The following CAMKMT variants were observed in gnomAD, a reference collection of about 807,000 sequenced individuals.
The protein encoded by CAMKMT is calmodulin-lysine N-methyltransferase, also known as CaM KMT.
In CAMKMT, 53 loss-of-function variants were observed where a neutral mutation model predicts 48.0. The ratio of observed to expected loss-of-function variants is 1.10; its 90% CI spans 0.89 to 1.39. The LOEUF (loss-of-function observed/expected upper bound fraction) is 1.39. CAMKMT is among the 40% of genes most tolerant of loss of function. The probability of loss-of-function intolerance (pLI) is 0.00; values close to 1 mark genes in which losing one functional copy is unlikely to be tolerated. For synonymous variants in CAMKMT, 165 were observed against 152.3 expected (o/e 1.08, Z -0.61); for missense variants, 428 against 402.7 (o/e 1.06, Z -0.54).
rs553541107 is a variant in CAMKMT, at chr2:44,487,563, A to C, written c.376+97258A>C. Among the ~76,000 whole-genome samples the C allele has an allele frequency of 2.3e-4, 35 of 152,358 alleles. 1 individual carries two copies. In the South Asian group the frequency reaches 6.8e-3, roughly 30 times the overall value. Reference sequence around the variant, plus strand: ...GGACTGATGTCTGTATCATACTACAAATATAAACTGTTTAATTTAATGACA... The same window carrying C: ...GGACTGATGTCTGTATCATACTACACATATAAACTGTTTAATTTAATGACA... On this transcript the variant is annotated intron_variant, in intron 3 of 10. Transcript: ENST00000378494.
At chr2:44,568,225 A>T (rs6726493) in intron 3 of CAMKMT, among the ~76,000 whole-genome samples, 1 of 151,812 alleles carries the variant, frequency 6.6e-6, no homozygotes, top group African/African-American at 2.4e-5. Context: ...AAACAAGCTG[A>T]GCCTGAATTG....
chr2:44,753,799 T>C (rs950322777), intron 8 of CAMKMT, among the ~76,000 whole-genome samples: 3 of 152,344 alleles, frequency 2.0e-5, no homozygotes, highest in African/African-American at 7.2e-5. Flanking sequence ...ATTGTCCCTG[T>C]AACATTAACA....
chr2:44,468,973 C>T (rs940224768), intron 3 of CAMKMT, among the ~76,000 whole-genome samples: 11 of 151,974 alleles, frequency 7.2e-5, no homozygotes, highest in South Asian at 2.1e-4. Context: ...TGTTCTCACT[C>T]GTGTGGAAGC....
At chr2:44,693,731 G>A (rs906234216) in intron 3 of CAMKMT, among the ~76,000 whole-genome samples, 10 of 152,210 alleles carry the variant, frequency 6.6e-5, no homozygotes, top group African/African-American at 2.4e-4. Flanking sequence ...AGGAGACAGA[G>A]TACAAAGACT....
chr2:44,537,683 C>T (rs1401376639), intron 3 of CAMKMT, among the ~76,000 whole-genome samples: 1 of 152,120 alleles, frequency 6.6e-6, no homozygotes, highest in Non-Finnish European at 1.5e-5. Flanking sequence ...CCCACCTCAG[C>T]CTCCCAAGTA....
At chr2:44,617,182 TCTG>T (rs1451433780) in intron 3 of CAMKMT, among the ~76,000 whole-genome samples, 3 of 152,244 alleles carry the variant, frequency 2.0e-5, no homozygotes, top group Admixed American at 2.0e-4. Flanking sequence ...GGGAAATTCA[TCTG>T]CTATGTGGTG....
intron 3 of CAMKMT, among the ~76,000 whole-genome samples, chr2:44,662,044 G>A (rs1674706261): frequency 6.6e-6 from 1 of 152,202 alleles, no homozygotes; most frequent in Non-Finnish European, 1.5e-5. Flanking sequence ...TGGGACAGCT[G>A]TAATTATTGG....
In CAMKMT at chr2:44,653,324, G is replaced by A. The variant is rs62132336; in HGVS notation, c.377-50959G>A. 0.039 allele frequency among the ~76,000 whole-genome samples: 5,978 copies of A among 152,268 alleles called. 165 individuals carry two copies. Among genetic ancestry groups the A allele is most frequent in the Non-Finnish European group, 0.063 (4,301 of 68,012 alleles). On this transcript the variant is annotated intron_variant, in intron 3 of 10. Coordinates refer to ENST00000378494, the MANE Select transcript of CAMKMT (RefSeq NM_024766.5). This position sits in a 1 kb window ranked among gnomAD's most constrained non-coding sequence, Gnocchi z 5.2. ...GTACTATTCATTGTCATTTCAACCA[G>A]ATAAGTAATAAGAAAGTCACAACAC...
chr2:44,480,883 T>C (rs1668933330), intron 3 of CAMKMT, among the ~76,000 whole-genome samples: 1 of 152,074 alleles, frequency 6.6e-6, no homozygotes, highest in Non-Finnish European at 1.5e-5. Context: ...ATACATATCA[T>C]ACATAGAGAT....
intron 3 of CAMKMT, among the ~76,000 whole-genome samples, chr2:44,504,398 A>G (rs1670157230): frequency 1.3e-5 from 2 of 152,170 alleles, no homozygotes; most frequent in African/African-American, 4.8e-5. Context: ...TTAATTCTTT[A>G]TTCAAAATGA....
intron 3 of CAMKMT, among the ~76,000 whole-genome samples, chr2:44,541,556 T>C (rs1667106283): frequency 6.6e-6 from 1 of 152,128 alleles, no homozygotes. Context: ...TTTTTACTGT[T>C]GAAGGATACA....
At chr2:44,399,276 A>C (rs900434492) in intron 3 of CAMKMT, among the ~76,000 whole-genome samples, 1 of 152,210 alleles carries the variant, frequency 6.6e-6, no homozygotes, top group Non-Finnish European at 1.5e-5. Flanking sequence ...AAACACAGAC[A>C]AATAATATTT....
At chr2:44,414,831 A>G (rs1349169145) in intron 3 of CAMKMT, among the ~76,000 whole-genome samples, 1 of 152,174 alleles carries the variant, frequency 6.6e-6, no homozygotes, top group African/African-American at 2.4e-5. Flanking sequence ...TAGCATTTAG[A>G]TTAGTACAGC....
intron 3 of CAMKMT, among the ~76,000 whole-genome samples, chr2:44,394,152 T>C (rs1681604525): frequency 6.6e-6 from 1 of 152,150 alleles, no homozygotes; most frequent in South Asian, 2.1e-4. Flanking sequence ...TATAATCCTT[T>C]AAAGGATAGG....
intron 3 of CAMKMT, among the ~76,000 whole-genome samples, chr2:44,413,750 A>G (rs1000245896): frequency 1.7e-4 from 26 of 152,198 alleles, no homozygotes; most frequent in African/African-American, 5.1e-4. Context: ...CACTTGGCTT[A>G]TATCTACTGT....
chr2:44,682,486 GAAGA>G, intron 3 of CAMKMT, among the ~76,000 whole-genome samples: 1 of 152,274 alleles, frequency 6.6e-6, no homozygotes, highest in East Asian at 1.9e-4. Context: ...AGGTTGTCAA[GAAGA>G]AACCCATTCT....
intron 3 of CAMKMT, among the ~76,000 whole-genome samples, chr2:44,574,563 C>G (rs115158061): frequency 0.023 from 3,489 of 151,340 alleles, 147 homozygotes; most frequent in African/African-American, 0.081. Context: ...GAGGGGCAAT[C>G]TAAGATGAAG....
intron 3 of CAMKMT, among the ~76,000 whole-genome samples, chr2:44,517,590 A>C (rs1463957656): frequency 6.6e-6 from 1 of 152,236 alleles, no homozygotes; most frequent in Non-Finnish European, 1.5e-5. Context: ...AGGACTGTCC[A>C]GCCTTTCTGC....
At chr2:44,564,548 T>G (rs527570938) in intron 3 of CAMKMT, among the ~76,000 whole-genome samples, 23 of 152,078 alleles carry the variant, frequency 1.5e-4, no homozygotes, top group African/African-American at 5.3e-4. Flanking sequence ...TTTGTTTGTT[T>G]GTTTGTTTGT....
Sources: allele counts gnomAD v4.1 joint callset (sites outside exome capture counted in the v4.1 genomes callset), GRCh38; gene constraint gnomAD v4.1.1; non-coding constraint Gnocchi (gnomAD v3.1); transcripts MANE v1.5; gene names NCBI Gene and HGNC (gene_info 2026-07-23, HGNC 2026-07-21).